GRHL2: variants seen among roughly 807,000 people sequenced by gnomAD.
GRHL2 encodes the protein grainyhead like transcription factor 2.
In GRHL2, 21 loss-of-function variants were observed where a neutral mutation model predicts 83.8. The ratio of observed to expected loss-of-function variants is 0.25; its 90% CI spans 0.18 to 0.36. The LOEUF is 0.36. Ranked by LOEUF, GRHL2 falls within the 10% of genes least tolerant of loss-of-function variation. The pLI is 1.00. For synonymous variants in GRHL2, 280 were observed against 278.9 expected (o/e 1.00, Z -0.04); for missense variants, 623 against 781.8 (o/e 0.80, Z 2.42).
chr8:101,592,307 G>A (rs1278734871), intron 7 of GRHL2, among the ~76,000 whole-genome samples: 3 of 151,876 alleles, frequency 2.0e-5, no homozygotes, highest in Admixed American at 6.6e-5. Context: ...GTTTCACCAC[G>A]TTGGTCAGGC....
At chr8:101,631,422 G>C (rs983910271) in intron 9 of GRHL2, among the ~76,000 whole-genome samples, 2 of 152,228 alleles carry the variant, frequency 1.3e-5, no homozygotes, top group Admixed American at 1.3e-4. Context: ...ATCTGGGAGA[G>C]GTGGGATCCC....
chr8:101,601,872 A>G (rs188259334), intron 8 of GRHL2, among the ~76,000 whole-genome samples: 95 of 152,356 alleles, frequency 6.2e-4, no homozygotes, highest in African/African-American at 2.3e-3. Flanking sequence ...TATGTGTGCC[A>G]TGATGGTTTG....
At chr8:101,652,120 G>T (rs1813634525) in intron 14 of GRHL2, among the ~76,000 whole-genome samples, 1 of 152,132 alleles carries the variant, frequency 6.6e-6, no homozygotes, top group Non-Finnish European at 1.5e-5. Flanking sequence ...TTGGGATCTG[G>T]GTGGGGTAAG....
the GRHL2 span, among the ~76,000 whole-genome samples, chr8:101,679,752 G>A: frequency 8.6e-5 from 13 of 150,806 alleles, no homozygotes; most frequent in Admixed American, 8.6e-4. Flanking sequence ...CAAGCCAGAA[G>A]AGAGTGGGGG....
chr8:101,649,918 A>G (rs1813587436), intron 14 of GRHL2, among the ~76,000 whole-genome samples: 1 of 152,236 alleles, frequency 6.6e-6, no homozygotes, highest in Non-Finnish European at 1.5e-5. Flanking sequence ...ATGCAGAATT[A>G]TAGTGATTTG....
intron 7 of GRHL2, among the ~76,000 whole-genome samples, chr8:101,589,000 C>T (rs1188547090): frequency 6.6e-6 from 1 of 152,146 alleles, no homozygotes; most frequent in Non-Finnish European, 1.5e-5. Context: ...GTAGAAGGGG[C>T]CCTGTTTGTC....
the GRHL2 span, among the ~76,000 whole-genome samples, chr8:101,681,026 C>A: frequency 8.5e-6 from 1 of 117,074 alleles, no homozygotes. Context: ...ACTAGAAAAG[C>A]AAAAGCAAAC....
downstream of GRHL2, among the ~76,000 whole-genome samples, chr8:101,672,027 G>A (rs372143746): frequency 6.5e-4 from 99 of 151,956 alleles, 1 homozygote; most frequent in East Asian, 0.018. Context: ...CAAACAGAAA[G>A]GACATCCACA....
chr8:101,584,732 G>C (rs1812127145), intron 7 of GRHL2, among the ~76,000 whole-genome samples: 1 of 152,182 alleles, frequency 6.6e-6, no homozygotes, highest in Non-Finnish European at 1.5e-5. Context: ...GGAGGGTGGA[G>C]ATTTAAGGTG....
At chr8:101,562,602 C>T (rs541497327) in intron 4 of GRHL2, 1 of 177,070 alleles carries the variant, frequency 5.6e-6, no homozygotes, top group East Asian at 1.5e-4. Context: ...GATATCCAGC[C>T]ATACTGGTTT....
intron 14 of GRHL2, among the ~76,000 whole-genome samples, chr8:101,660,033 A>G (rs576621474): frequency 3.9e-5 from 6 of 152,338 alleles, no homozygotes; most frequent in East Asian, 1.9e-4. Flanking sequence ...GATTTGTTCA[A>G]TTCTTAAAAA....
At chr8:101,674,498 A>G (rs896527097), downstream of GRHL2, among the ~76,000 whole-genome samples, 1 of 152,144 alleles carries the variant, frequency 6.6e-6, no homozygotes, top group African/African-American at 2.4e-5. Flanking sequence ...CCCTCCCAAG[A>G]CTAAACCAGG....
intron 1 of GRHL2, among the ~76,000 whole-genome samples, chr8:101,522,515 A>G (rs975906363): frequency 2.0e-5 from 3 of 151,946 alleles, no homozygotes; most frequent in Admixed American, 1.3e-4. Context: ...TTGTCCTTGA[A>G]TTATTTCAGT....
intron 6 of GRHL2, 121 bp downstream of exon 6, chr8:101,573,945 G>A (rs118171235): frequency 9.6e-6 from 11 of 1,151,002 alleles, no homozygotes; most frequent in East Asian, 2.5e-5. Flanking sequence ...ATTCTAGAAC[G>A]AATGTCAGAG....
intron 8 of GRHL2, among the ~76,000 whole-genome samples, chr8:101,617,914 A>G (rs771163846): frequency 3.3e-5 from 5 of 152,222 alleles, no homozygotes; most frequent in Non-Finnish European, 5.9e-5. Context: ...TTAAAGGTGA[A>G]TGGAAAACCC....
chr8:101,581,286 G>A (rs866692924), intron 7 of GRHL2, among the ~76,000 whole-genome samples: 1 of 152,158 alleles, frequency 6.6e-6, no homozygotes, highest in Admixed American at 6.5e-5. Context: ...CAGGAGTTGG[G>A]GGCAGGGGAA....
At position 101,652,365 on chromosome 8, in the gene GRHL2, GTGTGTC is replaced by G. The variant is rs1419160030; in HGVS notation, c.1698+2869_1698+2874del. 1.6e-3 allele frequency among the ~76,000 whole-genome samples: 106 copies of G among 65,152 alleles called. 2 individuals are homozygous for G. The highest frequency in any genetic ancestry group is 8.1e-3 in the African/African-American group (99 of 12,288). The allele number at this position is 65,152 out of a possible 152,430, so 42.7% of individuals were successfully genotyped here. ...TATGTGTGTGGTGTGTGTGGTGTGTGTGTGTCTGATGTGTGTGTGGTGTGTGTGTGT... is the reference window on the plus strand; with the variant it reads ...TATGTGTGTGGTGTGTGTGGTGTGTGTGATGTGTGTGTGGTGTGTGTGTGT... On this transcript the variant is annotated intron_variant, in intron 14 of 15. Coordinates refer to ENST00000646743, the MANE Select transcript of GRHL2 (RefSeq NM_024915.4).
chr8:101,666,796 T>A lies in GRHL2; in HGVS notation c.*93T>A. 1.3e-6 allele frequency: 1 copy of A among 784,272 alleles called. No individual in the cohort carries two copies. The highest frequency in any genetic ancestry group is 2.5e-5 in the East Asian group (1 of 39,294). The allele number at this position is 784,272 out of a possible 1,614,324, so 48.6% of individuals were successfully genotyped here. A position where few individuals can be genotyped will look rare whatever the true frequency, so the allele number is the denominator to read the frequency against. On this transcript the variant is annotated 3_prime_UTR_variant, in exon 16 of 16. Coordinates refer to ENST00000646743, the MANE Select transcript of GRHL2 (RefSeq NM_024915.4). The stretch of plus-strand genomic sequence containing the variant: ...CAGCCCCAGAACCTGGAGACCCATC[T>A]CCCCCATCTCACAACTGCTGTTACA...
intron 1 of GRHL2, among the ~76,000 whole-genome samples, chr8:101,515,734 C>T (rs13278625): frequency 0.16 from 23,800 of 152,140 alleles, 2,319 homozygotes; most frequent in Non-Finnish European, 0.22. Context: ...TCTTCCCTTC[C>T]TCTCTGGCGA....
Sources: allele counts gnomAD v4.1 joint callset (sites outside exome capture counted in the v4.1 genomes callset), GRCh38; gene constraint gnomAD v4.1.1; transcripts MANE v1.5; gene names NCBI Gene and HGNC (gene_info 2026-07-23, HGNC 2026-07-21).